Variants in CFAP77 observed in about 807,000 individuals in gnomAD.
CFAP77 encodes the protein cilia and flagella associated protein 77.
Under a neutral mutation model 31.1 loss-of-function variants are expected in CFAP77, and 25 were observed. The observed-to-expected ratio is 0.80, with a 90% CI of 0.59 to 1.12. The LOEUF (loss-of-function observed/expected upper bound fraction) is 1.12, where lower values mean the gene tolerates loss of function less well. Among genes scored for constraint, CFAP77 ranks in the 50% most tolerant of loss-of-function variants. The pLI is 0.00. For synonymous variants in CFAP77, 151 were observed against 159.9 expected, an observed-to-expected ratio of 0.94 and a Z score of 0.42; for missense variants, 377 against 397.3, an observed-to-expected ratio of 0.95 and a Z score of 0.44.
At chr9:132,431,040 G>A (rs1321277946) in intron 1 of CFAP77, among the ~76,000 whole-genome samples, 1 of 152,190 alleles carries the variant, frequency 6.6e-6, no homozygotes, top group African/African-American at 2.4e-5. Context: ...CAGAATTGGA[G>A]CAACCACCAT....
chr9:132,457,317 C>CG (rs1255549375), intron 1 of CFAP77, among the ~76,000 whole-genome samples: 11 of 73,048 alleles, frequency 1.5e-4, no homozygotes, highest in Non-Finnish European at 3.1e-4. Context: ...GGTGGGGGGG[C>CG]GGGGGGAGAA....
In CFAP77 at chr9:132,499,518, C is replaced by T. The variant is rs768069065; in HGVS notation, c.442C>T (p.Arg148Cys). 32 of 1,614,096 alleles carry T rather than the reference C, an allele frequency of 2.0e-5. No individual in the cohort carries two copies. Among genetic ancestry groups the T allele is most frequent in the East Asian group, 1.3e-4 (6 of 44,878 alleles). Residue 148 changes from arginine to cysteine, a missense_variant, in exon 3 of 6, where the codon CGC becomes TGC. Arg to Cys is a radical substitution (Grantham distance 180). Coordinates refer to ENST00000393216, the MANE Select transcript of CFAP77 (RefSeq NM_001282957.2). This position sits in a 1 kb window ranked among gnomAD's most constrained non-coding sequence, Gnocchi z 5.4. The stretch of plus-strand genomic sequence containing the variant: ...GCTCTACCGTCAGCTCAATGACATC[C>T]GCATCAGTGACCAGGATGACCGGCG... ...NLLYRQLNDI[R>C]ISDQDDRRMK...
chr9:132,522,296 G>A (rs1852282839), intron 3 of CFAP77, among the ~76,000 whole-genome samples: 1 of 152,206 alleles, frequency 6.6e-6, no homozygotes, highest in African/African-American at 2.4e-5. Context: ...TCTCTTGGCT[G>A]AAGACACTGC....
At chr9:132,442,941 A>G (rs1850637856) in intron 1 of CFAP77, among the ~76,000 whole-genome samples, 2 of 152,198 alleles carry the variant, frequency 1.3e-5, no homozygotes, top group Admixed American at 1.3e-4. Flanking sequence ...CCCCAGAAGA[A>G]CACCCCAAAA....
chr9:132,530,141 T>C (rs535371536), intron 3 of CFAP77, among the ~76,000 whole-genome samples: 75 of 147,344 alleles, frequency 5.1e-4, no homozygotes, highest in African/African-American at 1.4e-3. Context: ...CTTTTCTTTT[T>C]TTTTTTTTTT....
intron 1 of CFAP77, among the ~76,000 whole-genome samples, chr9:132,429,704 AAGTT>A (rs1028268891): frequency 2.0e-5 from 3 of 150,394 alleles, no homozygotes; most frequent in African/African-American, 7.4e-5. Flanking sequence ...AAAAAAAAAA[AAGTT>A]AGCCGGACAT....
chr9:132,491,398 T>A (rs1311244636), intron 1 of CFAP77, among the ~76,000 whole-genome samples: 1 of 151,832 alleles, frequency 6.6e-6, no homozygotes, highest in Non-Finnish European at 1.5e-5. Context: ...ACCCGGGAGG[T>A]GGAGGTTGCA....
At chr9:132,433,551 T>G (rs1204722870) in intron 1 of CFAP77, among the ~76,000 whole-genome samples, 1 of 32,626 alleles carries the variant, frequency 3.1e-5, no homozygotes, top group East Asian at 1.2e-3. Flanking sequence ...TATTCATTCA[T>G]TTTTTTTTTT....
At chr9:132,566,149 C>T (rs1439910129) in intron 5 of CFAP77, among the ~76,000 whole-genome samples, 1 of 152,062 alleles carries the variant, frequency 6.6e-6, no homozygotes, top group Non-Finnish European at 1.5e-5. Flanking sequence ...TCAGGCTCCT[C>T]ATGTGTGGCT....
chr9:132,568,238 A>G (rs1743527950), intron 5 of CFAP77, among the ~76,000 whole-genome samples: 1 of 151,066 alleles, frequency 6.6e-6, no homozygotes, highest in African/African-American at 2.4e-5. Context: ...CCTGCTGTAC[A>G]ACGCTGTGCC....
At chr9:132,414,053 G>A (rs969446159) in intron 1 of CFAP77, among the ~76,000 whole-genome samples, 2 of 152,220 alleles carry the variant, frequency 1.3e-5, no homozygotes, top group Non-Finnish European at 2.9e-5. Context: ...GAATTGGGAT[G>A]AGACTAAGGT....
chr9:132,486,321 A>T (rs181489014), intron 1 of CFAP77, among the ~76,000 whole-genome samples: 2,880 of 150,946 alleles, frequency 0.019, 93 homozygotes, highest in African/African-American at 0.065. Flanking sequence ...CTCGATCTCC[A>T]GACCTCGTGA....
rs57388355 is a variant in CFAP77 at position 132,502,276 on chromosome 9, T to G, written c.524+2676T>G. On this transcript the variant is annotated intron_variant, in intron 3 of 5. Coordinates refer to ENST00000393216, the MANE Select transcript of CFAP77 (RefSeq NM_001282957.2). ...ATATATATATATATATTTTTTTTTTTTGGGGGAGGGGGGTGGTAGTTCCTT... is the reference window on the plus strand; with the variant it reads ...ATATATATATATATATTTTTTTTTTGTGGGGGAGGGGGGTGGTAGTTCCTT... 1.4e-3 allele frequency among the ~76,000 whole-genome samples: 92 copies of G among 65,290 alleles called. 1 individual carries two copies. The East Asian group carries it at 0.018, about 13-fold the overall frequency. The allele number at this position is 65,290 out of a possible 152,430, so 42.8% of individuals were successfully genotyped here.
chr9:132,539,450 G>A lies in CFAP77; in HGVS notation c.630+1744G>A, dbSNP rs1414929774. ...TCACGGGGAAACTAGGGCTCAGAGA[G>A]ATGAAGTGATTTGCCAACAGTGTCA... On this transcript the variant is annotated intron_variant, in intron 4 of 5. Coordinates refer to ENST00000393216, the MANE Select transcript of CFAP77 (RefSeq NM_001282957.2). This position sits in a 1 kb window ranked among gnomAD's most constrained non-coding sequence, Gnocchi z 4.3. 2.6e-5 allele frequency among the ~76,000 whole-genome samples: 4 copies of A among 152,196 alleles called. No individual in the cohort carries two copies. The highest frequency in any genetic ancestry group is 2.9e-5 in the Non-Finnish European group (2 of 68,034).
At chr9:132,420,666 CAAA>C (rs11414328) in intron 1 of CFAP77, among the ~76,000 whole-genome samples, 3 of 127,918 alleles carry the variant, frequency 2.3e-5, no homozygotes, top group Admixed American at 8.2e-5. Context: ...GACTCTGTCT[CAAA>C]AAAAAAAAAA....
chr9:132,535,785 G>A (rs970257695), intron 3 of CFAP77, among the ~76,000 whole-genome samples: 8 of 152,072 alleles, frequency 5.3e-5, no homozygotes, highest in African/African-American at 1.9e-4. Context: ...GCCACAACTT[G>A]ACATACAATT....
chr9:132,425,542 G>A (rs1850298985), intron 1 of CFAP77, among the ~76,000 whole-genome samples: 2 of 152,124 alleles, frequency 1.3e-5, no homozygotes, highest in Non-Finnish European at 2.9e-5. Context: ...GATGCCTTTG[G>A]GGACGTGAAG....
intron 3 of CFAP77, among the ~76,000 whole-genome samples, chr9:132,535,290 A>G (rs1353689252): frequency 6.6e-6 from 1 of 152,228 alleles, no homozygotes; most frequent in East Asian, 1.9e-4. Flanking sequence ...TGGAATGTAT[A>G]CATAATAGTT....
intron 1 of CFAP77, among the ~76,000 whole-genome samples, chr9:132,450,478 C>G (rs1850806855): frequency 6.6e-6 from 1 of 152,152 alleles, no homozygotes; most frequent in Non-Finnish European, 1.5e-5. Context: ...TGACTGCAAA[C>G]ACTCATTAAA....
Sources: gnomAD v4.1 joint callset for allele counts (sites outside exome capture counted in the v4.1 genomes callset) on GRCh38, gnomAD v4.1.1 for gene constraint, Gnocchi (gnomAD v3.1) non-coding constraint, MANE v1.5 for transcripts, NCBI Gene and HGNC (gene_info 2026-07-23, HGNC 2026-07-21) for gene names.